Variants in ZNF611 observed in about 807,000 individuals in gnomAD.
ZNF611 encodes zinc finger protein 611.
ZNF611 carries 6 observed loss-of-function variants against 8.9 expected under a neutral mutation model. That is an observed-to-expected ratio of 0.68 (90% CI 0.37 to 1.34). ZNF611 has a LOEUF of 1.34. Among genes scored for constraint, ZNF611 ranks in the 40% most tolerant of loss-of-function variants. The probability of loss-of-function intolerance (pLI) is 0.02; values close to 1 mark genes in which losing one functional copy is unlikely to be tolerated. For synonymous variants in ZNF611, 262 were observed against 279.7 expected, an observed-to-expected ratio of 0.94 and a Z score of 0.63; for missense variants, 874 against 841.3, an observed-to-expected ratio of 1.04 and a Z score of -0.48.
In ZNF611 at chr19:52,704,094, G is replaced by A. The variant is rs576762774; in HGVS notation, c.*843C>T. On this transcript the variant is annotated 3_prime_UTR_variant, in exon 6 of 6. Transcript: ENST00000652185. ...AGTGACCTATGTGCCTTGGCCTCCCGACGTGCTGGGATTACAGGTCGGAGC... is the reference window on the plus strand; with the variant it reads ...AGTGACCTATGTGCCTTGGCCTCCCAACGTGCTGGGATTACAGGTCGGAGC... 4.4e-5 allele frequency: 12 copies of A among 270,490 alleles called. No individual in the cohort carries two copies. Among genetic ancestry groups the A allele is most frequent in the Admixed American group, 1.5e-4 (3 of 20,358 alleles). 16.8% of individuals were successfully genotyped at this position (270,490 alleles called of 1,614,324 possible).
chr19:52,713,326 T>A (rs548938285), intron 5 of ZNF611, among the ~76,000 whole-genome samples: 1 of 152,342 alleles, frequency 6.6e-6, no homozygotes, highest in African/African-American at 2.4e-5. Context: ...ATAAGATTGA[T>A]GAAAACCATA....
chr19:52,712,467 A>AG (rs1304019771), intron 5 of ZNF611, among the ~76,000 whole-genome samples: 1 of 144,110 alleles, frequency 6.9e-6, no homozygotes, highest in Non-Finnish European at 1.5e-5. Flanking sequence ...AAAAAAAAAA[A>AG]AAAAAAAAAA....
At chr19:52,733,167 G>A (rs1000111104) in intron 1 of ZNF611, among the ~76,000 whole-genome samples, 3 of 152,082 alleles carry the variant, frequency 2.0e-5, no homozygotes, top group African/African-American at 7.2e-5. Flanking sequence ...TTATAGATAC[G>A]AATTTTAAAA....
intron 5 of ZNF611, among the ~76,000 whole-genome samples, chr19:52,707,882 C>T (rs1331233091): frequency 6.6e-6 from 1 of 151,988 alleles, no homozygotes; most frequent in Non-Finnish European, 1.5e-5. Context: ...CCACCCACCT[C>T]GGCCTCCCAA....
intron 3 of ZNF611, chr19:52,717,731 C>A (rs1259534362): frequency 1.0e-6 from 1 of 979,902 alleles, no homozygotes; most frequent in Admixed American, 6.2e-5. Flanking sequence ...TTGAGGGAGA[C>A]ACTTACTTAG....
intron 1 of ZNF611, among the ~76,000 whole-genome samples, 186 bp downstream of exon 1, chr19:52,734,815 C>T (rs1487882247): frequency 6.6e-6 from 1 of 152,172 alleles, no homozygotes; most frequent in Non-Finnish European, 1.5e-5. Context: ...GGGACGAGAC[C>T]AGCCTCAGGA....
chr19:52,714,741 T>C (rs2062304857), intron 4 of ZNF611, among the ~76,000 whole-genome samples: 2 of 124,592 alleles, frequency 1.6e-5, no homozygotes, highest in African/African-American at 3.4e-5. Context: ...GACTGTCACC[T>C]GTAATCCCAG....
chr19:52,719,273 G>A (rs1600321463), intron 3 of ZNF611, among the ~76,000 whole-genome samples: 1 of 152,250 alleles, frequency 6.6e-6, no homozygotes, highest in East Asian at 1.9e-4. Flanking sequence ...GAGAACAAAA[G>A]CACTTTTAAT....
At chr19:52,734,597 T>C (rs1399076619) in intron 1 of ZNF611, among the ~76,000 whole-genome samples, 1 of 149,634 alleles carries the variant, frequency 6.7e-6, no homozygotes, top group Non-Finnish European at 1.5e-5. Context: ...TCCCAGGACC[T>C]GGCAGAGGAC....
intron 3 of ZNF611, among the ~76,000 whole-genome samples, chr19:52,718,391 G>T (rs2062332196): frequency 6.6e-6 from 1 of 151,198 alleles, no homozygotes; most frequent in Non-Finnish European, 1.5e-5. Context: ...TGTGGTCCCA[G>T]GGAATCCAGA....
chr19:52,707,304 A>AC (rs1224318203), intron 5 of ZNF611: 1 of 153,788 alleles, frequency 6.5e-6, no homozygotes, highest in African/African-American at 2.4e-5. Flanking sequence ...TAAATAATCC[A>AC]CAACAAGCTC....
chr19:52,706,868 C>G lies in ZNF611; in HGVS notation c.191-4G>C. The G allele has an allele frequency of 6.2e-7, 1 of 1,607,020 alleles. No homozygotes were observed. The highest frequency in any genetic ancestry group is 8.5e-7 in the Non-Finnish European group (1 of 1,177,450). ...ATCATGCATTTGGAAGAGATATCTA[C>G]AAAATATAAACACCAATACATTTCC... is the stretch of plus-strand genomic sequence containing the variant. On this transcript the variant is annotated splice_polypyrimidine_tract_variant and splice_region_variant and intron_variant, in intron 5 of 5. Transcript: ENST00000652185.
rs1416575072 is a variant in ZNF611 at position 52,725,323 on chromosome 19, C to G, written c.-20+3407G>C. Among the ~76,000 whole-genome samples, 6 of 152,166 alleles carry G rather than the reference C, an allele frequency of 3.9e-5. 1 individual carries two copies. Among genetic ancestry groups the G allele is most frequent in the Non-Finnish European group, 8.8e-5 (6 of 68,026 alleles). Reference sequence around the variant, plus strand: ...GGTGGCACCTGCAGGCTCCCAGGACCAGGCAGAGGACCCAGCCTCCCCAGG... The same window carrying G: ...GGTGGCACCTGCAGGCTCCCAGGACGAGGCAGAGGACCCAGCCTCCCCAGG... On this transcript the variant is annotated intron_variant, in intron 3 of 5. Transcript: ENST00000652185.
chr19:52,731,266 C>T (rs1016492060), intron 1 of ZNF611, among the ~76,000 whole-genome samples: 1 of 152,098 alleles, frequency 6.6e-6, no homozygotes, highest in African/African-American at 2.4e-5. Flanking sequence ...AGGGTTTCAT[C>T]ATGTAGGCCA....
chr19:52,712,350 GCTTA>G (rs1476642511), intron 5 of ZNF611, among the ~76,000 whole-genome samples: 1 of 149,766 alleles, frequency 6.7e-6, no homozygotes, highest in Non-Finnish European at 1.5e-5. Context: ...GAGTGCAGTG[GCTTA>G]CTTCTGTAAT....
Position 52,704,947 on chromosome 19 carries a change from T to G in ZNF611, c.2108A>C (p.Glu703Ala), listed in dbSNP as rs1418884112. 1 of 1,614,082 alleles carries G rather than the reference T, an allele frequency of 6.2e-7. No homozygotes were observed. Among genetic ancestry groups the G allele is most frequent in the South Asian group, 1.1e-5 (1 of 91,070 alleles). Residue 703 changes from glutamate to alanine, a missense_variant, in exon 6 of 6, where the codon GAG becomes GCG. Transcript: ENST00000652185. Reference protein sequence around the residue: ...LSRHHRIHTGEKP With the variant: ...LSRHHRIHTGAKP ...ACATGCTTCACATTTCTAAGGTTTCTCTCCAGTATGAATTCTATGATGACG... is the reference window on the plus strand; with the variant it reads ...ACATGCTTCACATTTCTAAGGTTTCGCTCCAGTATGAATTCTATGATGACG...
intron 5 of ZNF611, 113 bp downstream of exon 5, chr19:52,713,902 A>G (rs1417668197): frequency 1.3e-6 from 2 of 1,558,256 alleles, no homozygotes; most frequent in African/African-American, 1.4e-5. Context: ...AAAAACAAAA[A>G]ACAAAAAACA....
chr19:52,720,069 G>A (rs1303031588), intron 3 of ZNF611, among the ~76,000 whole-genome samples: 1 of 152,054 alleles, frequency 6.6e-6, no homozygotes, highest in Non-Finnish European at 1.5e-5. Flanking sequence ...GCACGTTTCA[G>A]AGAGCACGGG....
chr19:52,734,542 G>T (rs936080766), intron 1 of ZNF611, among the ~76,000 whole-genome samples: 3 of 54,688 alleles, frequency 5.5e-5, no homozygotes, highest in East Asian at 7.2e-4. Flanking sequence ...GGGGCGGGGG[G>T]GGGGGGCGCG....
Sources: gnomAD v4.1 joint callset for allele counts (sites outside exome capture counted in the v4.1 genomes callset) on GRCh38, gnomAD v4.1.1 for gene constraint, MANE v1.5 for transcripts, NCBI Gene and HGNC (gene_info 2026-07-23, HGNC 2026-07-21) for gene names.